Variants in LINGO2 observed in about 807,000 individuals in gnomAD.
The protein encoded by LINGO2 is leucine-rich repeat and immunoglobulin-like domain-containing nogo receptor-interacting protein 2.
In LINGO2, 14 loss-of-function variants were observed where a neutral mutation model predicts 30.6. The observed-to-expected ratio is 0.46, with a 90% CI of 0.30 to 0.72. The LOEUF (loss-of-function observed/expected upper bound fraction) is 0.72. LINGO2 is among the 30% of genes least tolerant of loss of function. The pLI is 0.07. For missense variants in LINGO2, 729 were observed against 751.7 expected (o/e 0.97, Z 0.35); for synonymous variants, 317 against 288.5 (o/e 1.10, Z -1.00).
intron 4 of LINGO2, among the ~76,000 whole-genome samples, chr9:28,180,106 G>A (rs1349497169): frequency 6.6e-6 from 1 of 152,062 alleles, no homozygotes; most frequent in Non-Finnish European, 1.5e-5. Flanking sequence ...GCTGTCTTTT[G>A]TGCTTCAGTG....
intron 2 of LINGO2, among the ~76,000 whole-genome samples, chr9:28,398,877 C>G (rs1452785126): frequency 1.3e-5 from 2 of 152,114 alleles, no homozygotes. Flanking sequence ...TCACTTAACC[C>G]CTTTTCGTCT....
At chr9:28,450,875 T>C (rs1328967052) in intron 2 of LINGO2, among the ~76,000 whole-genome samples, 1 of 152,006 alleles carries the variant, frequency 6.6e-6, no homozygotes, top group Non-Finnish European at 1.5e-5. Context: ...CACATAAAAA[T>C]GAATGATTAA....
chr9:29,123,253 C>T, the LINGO2 span, among the ~76,000 whole-genome samples: 3 of 151,782 alleles, frequency 2.0e-5, no homozygotes, highest in Non-Finnish European at 2.9e-5. Flanking sequence ...ATATATATTC[C>T]CCGAGACATC....
At chr9:28,813,801 CAT>C in the LINGO2 span, among the ~76,000 whole-genome samples, 1 of 152,080 alleles carries the variant, frequency 6.6e-6, no homozygotes, top group Non-Finnish European at 1.5e-5. Context: ...TGAGTTGAAA[CAT>C]AAAAAATAAA....
the LINGO2 span, among the ~76,000 whole-genome samples, chr9:28,868,518 C>G: frequency 6.6e-6 from 1 of 152,042 alleles, no homozygotes; most frequent in South Asian, 2.1e-4. Flanking sequence ...TTTCTGTCAT[C>G]TGAGAGATAA....
At chr9:28,871,866 C>T in the LINGO2 span, among the ~76,000 whole-genome samples, 3 of 152,034 alleles carry the variant, frequency 2.0e-5, no homozygotes, top group East Asian at 5.8e-4. Flanking sequence ...TTTGAAAATG[C>T]TTGGTTCATA....
chr9:28,221,534 T>C (rs1417348312), intron 4 of LINGO2, among the ~76,000 whole-genome samples: 1 of 152,076 alleles, frequency 6.6e-6, no homozygotes, highest in Non-Finnish European at 1.5e-5. Context: ...AAGCATATGA[T>C]TTGGTGGTTC....
chr9:28,442,010 A>G (rs1824218530), intron 2 of LINGO2, among the ~76,000 whole-genome samples: 1 of 151,382 alleles, frequency 6.6e-6, no homozygotes, highest in Admixed American at 6.6e-5. Context: ...ATTTTAGAAA[A>G]CTTTTCTGCC....
At chr9:28,978,142 C>A in the LINGO2 span, among the ~76,000 whole-genome samples, 1 of 152,086 alleles carries the variant, frequency 6.6e-6, no homozygotes, top group Non-Finnish European at 1.5e-5. Flanking sequence ...GTAAAATATT[C>A]TCTTTGGGGA....
intron 4 of LINGO2, among the ~76,000 whole-genome samples, chr9:28,062,870 T>C (rs1587796193): frequency 6.6e-6 from 1 of 152,048 alleles, no homozygotes; most frequent in Middle Eastern, 3.4e-3. Context: ...CTTTCTGTAC[T>C]CATTAGCTGT....
the LINGO2 span, among the ~76,000 whole-genome samples, chr9:29,120,588 C>T: frequency 6.6e-6 from 1 of 152,136 alleles, no homozygotes; most frequent in African/African-American, 2.4e-5. Flanking sequence ...ACAACCAATG[C>T]TCTAATTAAA....
chr9:28,328,070 C>A (rs968703384), intron 3 of LINGO2, among the ~76,000 whole-genome samples: 1 of 152,036 alleles, frequency 6.6e-6, no homozygotes, highest in Admixed American at 6.6e-5. Context: ...AGAACAAATA[C>A]GCAGCAAGAA....
At chr9:28,621,187 T>C (rs965047628) in intron 1 of LINGO2, among the ~76,000 whole-genome samples, 5 of 151,878 alleles carry the variant, frequency 3.3e-5, no homozygotes, top group Non-Finnish European at 7.4e-5. Context: ...CTATATAACA[T>C]AAAAATGTAT....
chr9:29,178,041 CTTTTA>C, the LINGO2 span, among the ~76,000 whole-genome samples: 1 of 150,246 alleles, frequency 6.7e-6, no homozygotes, highest in African/African-American at 2.5e-5. Context: ...TTTCCTAATA[CTTTTA>C]TTTTATTTAT....
chr9:28,975,109 C>T, the LINGO2 span, among the ~76,000 whole-genome samples: 98,875 of 151,814 alleles, frequency 0.65, 32,787 homozygotes, highest in Non-Finnish European at 0.72. Context: ...TGAAAAAGTA[C>T]CGAAGAATCA....
chr9:28,079,242 A>G (rs1249671992), intron 4 of LINGO2, among the ~76,000 whole-genome samples: 1 of 152,184 alleles, frequency 6.6e-6, no homozygotes, highest in African/African-American at 2.4e-5. Context: ...TATAAACATG[A>G]TTTACTGAGT....
At chr9:28,931,912 A>G in the LINGO2 span, among the ~76,000 whole-genome samples, 7 of 151,404 alleles carry the variant, frequency 4.6e-5, no homozygotes, top group African/African-American at 1.7e-4. Flanking sequence ...GTTCGAGATC[A>G]GCCTGGCCAA....
At chr9:28,123,397 T>A (rs1201438243) in intron 4 of LINGO2, among the ~76,000 whole-genome samples, 2 of 152,202 alleles carry the variant, frequency 1.3e-5, no homozygotes, top group Non-Finnish European at 2.9e-5. Flanking sequence ...ATCTACCTGG[T>A]CAGCAGTGTC....
the LINGO2 span, among the ~76,000 whole-genome samples, chr9:28,981,806 A>C: frequency 1.3e-5 from 2 of 152,094 alleles, no homozygotes; most frequent in African/African-American, 4.8e-5. Context: ...ACAGATGGAG[A>C]GGTGAATAAA....
Sources: gnomAD v4.1 joint callset for allele counts (sites outside exome capture counted in the v4.1 genomes callset) on GRCh38, gnomAD v4.1.1 for gene constraint, MANE v1.5 for transcripts, NCBI Gene and HGNC (gene_info 2026-07-23, HGNC 2026-07-21) for gene names.